The following SPAG16 variants were observed in gnomAD, a reference collection of about 807,000 sequenced individuals.
SPAG16 encodes sperm associated antigen 16, also known as sperm-associated antigen 16 protein.
SPAG16 carries 86 observed loss-of-function variants against 80.4 expected under a neutral mutation model. The observed-to-expected ratio is 1.07, with a 90% CI of 0.90 to 1.28. The LOEUF (loss-of-function observed/expected upper bound fraction) is 1.28. SPAG16 is among the 50% of genes most tolerant of loss of function. The pLI is 0.00. For synonymous variants in SPAG16, 294 were observed against 265.9 expected (o/e 1.11, Z -1.03); for missense variants, 870 against 765.3 (o/e 1.14, Z -1.61).
intron 15 of SPAG16, among the ~76,000 whole-genome samples, chr2:214,177,912 T>TACAC (rs1168984684): frequency 1.9e-4 from 16 of 83,200 alleles, no homozygotes; most frequent in African/African-American, 1.3e-3. Flanking sequence ...TATATATATA[T>TACAC]ATACATATAT....
intron 12 of SPAG16, among the ~76,000 whole-genome samples, chr2:213,979,000 AAG>A (rs769161207): frequency 4.9e-4 from 42 of 85,080 alleles, no homozygotes; most frequent in South Asian, 3.2e-3. Flanking sequence ...GAGAGAGAGA[AAG>A]AGAGGAGAAA....
intron 11 of SPAG16, among the ~76,000 whole-genome samples, chr2:213,899,353 CAT>C (rs931225646): frequency 3.3e-5 from 5 of 152,036 alleles, no homozygotes; most frequent in African/African-American, 1.2e-4. Flanking sequence ...AGAAGAAAAA[CAT>C]ATCAATAAAA....
chr2:214,138,863 C>G (rs959560741), intron 14 of SPAG16, among the ~76,000 whole-genome samples: 3 of 152,048 alleles, frequency 2.0e-5, no homozygotes, highest in Non-Finnish European at 4.4e-5. Context: ...ATGACTCCAT[C>G]CAGGGAGATG....
At chr2:213,565,868 T>C (rs146951796) in intron 10 of SPAG16, among the ~76,000 whole-genome samples, 6 of 152,240 alleles carry the variant, frequency 3.9e-5, no homozygotes, top group African/African-American at 1.4e-4. Context: ...TTCAAAGCAA[T>C]GATAACGATT....
At chr2:214,091,780 TCTC>T (rs541228862) in intron 13 of SPAG16, among the ~76,000 whole-genome samples, 51 of 152,198 alleles carry the variant, frequency 3.4e-4, no homozygotes, top group African/African-American at 1.1e-3. Flanking sequence ...ATGCTTAGAA[TCTC>T]CTGTTTCCTA....
At chr2:214,289,760 GA>G (rs1199682171) in intron 15 of SPAG16, among the ~76,000 whole-genome samples, 7 of 146,298 alleles carry the variant, frequency 4.8e-5, no homozygotes, top group African/African-American at 1.6e-4. Context: ...TAATTCTGTG[GA>G]AAGTGACATT....
At chr2:213,347,984 G>A (rs1209300607) in intron 6 of SPAG16, among the ~76,000 whole-genome samples, 2 of 151,962 alleles carry the variant, frequency 1.3e-5, no homozygotes, top group Non-Finnish European at 2.9e-5. Context: ...TTGACAGTGG[G>A]GTGTTAAAAT....
chr2:214,089,101 C>T lies in SPAG16; in HGVS notation c.1528-19095C>T, dbSNP rs572438554. Among the ~76,000 whole-genome samples, 16 of 152,116 alleles carry T rather than the reference C, an allele frequency of 1.1e-4. No homozygotes were observed. The East Asian group carries it at 2.1e-3, about 20-fold the overall frequency. On this transcript the variant is annotated intron_variant, in intron 13 of 15. Coordinates refer to ENST00000331683, the MANE Select transcript of SPAG16 (RefSeq NM_024532.5). ...TCCATTCCCACCTTCTCAAACACTT[C>T]GACTGTAGAGTCCTTTATGGCAGAG...
At chr2:213,712,904 C>A (rs1009579665) in intron 10 of SPAG16, among the ~76,000 whole-genome samples, 4 of 152,106 alleles carry the variant, frequency 2.6e-5, no homozygotes, top group Non-Finnish European at 5.9e-5. Context: ...TCTCATACTG[C>A]TACGAAGAAA....
intron 13 of SPAG16, among the ~76,000 whole-genome samples, chr2:214,020,826 T>C (rs2047826312): frequency 6.6e-6 from 1 of 152,208 alleles, no homozygotes; most frequent in African/African-American, 2.4e-5. Context: ...TAATACTATG[T>C]GGAAAATTCT....
chr2:213,636,487 A>T (rs1375511149), intron 10 of SPAG16, among the ~76,000 whole-genome samples: 1 of 152,122 alleles, frequency 6.6e-6, no homozygotes, highest in African/African-American at 2.4e-5. Flanking sequence ...CTAGTTCTGT[A>T]AAGAATGATG....
intron 15 of SPAG16, among the ~76,000 whole-genome samples, chr2:214,296,214 G>T (rs2125940420): frequency 6.6e-6 from 1 of 152,280 alleles, no homozygotes; most frequent in African/African-American, 2.4e-5. Flanking sequence ...TACTCATGTA[G>T]CTACAGAAAA....
intron 13 of SPAG16, among the ~76,000 whole-genome samples, chr2:214,097,292 G>A (rs573781738): frequency 2.0e-5 from 3 of 152,050 alleles, no homozygotes; most frequent in African/African-American, 7.2e-5. Context: ...AATTAAATAG[G>A]GGGCATAATG....
At chr2:213,796,528 C>G (rs1389824029) in intron 10 of SPAG16, among the ~76,000 whole-genome samples, 5 of 152,012 alleles carry the variant, frequency 3.3e-5, no homozygotes, top group Non-Finnish European at 7.4e-5. Context: ...TCATGTGCCA[C>G]CTAATACTTT....
intron 15 of SPAG16, among the ~76,000 whole-genome samples, chr2:214,355,242 A>G (rs1424120179): frequency 1.4e-5 from 2 of 144,980 alleles, no homozygotes; most frequent in Non-Finnish European, 3.1e-5. Context: ...GCAACCTACA[A>G]AATGGGAGAA....
chr2:213,785,765 C>T (rs1311222013), intron 10 of SPAG16, among the ~76,000 whole-genome samples: 1 of 152,000 alleles, frequency 6.6e-6, no homozygotes, highest in African/African-American at 2.4e-5. Context: ...ACCTGTAATC[C>T]CAGCACTTTG....
chr2:214,030,721 A>G (rs1575888676), intron 13 of SPAG16, among the ~76,000 whole-genome samples: 1 of 152,312 alleles, frequency 6.6e-6, no homozygotes, highest in East Asian at 1.9e-4. Flanking sequence ...GGAGACTGTA[A>G]CAGATGCCAT....
intron 15 of SPAG16, among the ~76,000 whole-genome samples, chr2:214,378,154 C>A (rs1700241466): frequency 6.6e-6 from 1 of 152,060 alleles, no homozygotes; most frequent in Admixed American, 6.6e-5. Context: ...TGGAACACAG[C>A]CCTACTGATA....
intron 10 of SPAG16, among the ~76,000 whole-genome samples, chr2:213,820,534 G>A (rs2125692292): frequency 6.6e-6 from 1 of 152,186 alleles, no homozygotes; most frequent in African/African-American, 2.4e-5. Context: ...CACAAAAAAG[G>A]TAGAACCTTG....
Sources: gnomAD v4.1 joint callset for allele counts (sites outside exome capture counted in the v4.1 genomes callset) on GRCh38, gnomAD v4.1.1 for gene constraint, MANE v1.5 for transcripts, NCBI Gene and HGNC (gene_info 2026-07-23, HGNC 2026-07-21) for gene names.